HOOK3: variants seen among roughly 807,000 people sequenced by gnomAD.
The protein encoded by HOOK3 is protein Hook homolog 3.
Under a neutral mutation model 116.3 loss-of-function variants are expected in HOOK3, and 24 were observed. The observed-to-expected ratio is 0.21, with a 90% CI of 0.15 to 0.29. The LOEUF is 0.29. Among genes scored for constraint, HOOK3 ranks in the 10% least tolerant of loss-of-function variants. The probability of loss-of-function intolerance (pLI) is 1.00; values close to 1 mark genes in which losing one functional copy is unlikely to be tolerated. For missense variants in HOOK3, 632 were observed against 830.2 expected (o/e 0.76, Z 2.93); for synonymous variants, 275 against 283.0 (o/e 0.97, Z 0.28).
chr8:42,991,934 T>C (rs1163925362), intron 15 of HOOK3, among the ~76,000 whole-genome samples: 1 of 152,184 alleles, frequency 6.6e-6, no homozygotes, highest in Non-Finnish European at 1.5e-5. Context: ...GAACATAGAA[T>C]ATCTTTCCAT....
chr8:42,965,709 T>C (rs1422872107), intron 9 of HOOK3, among the ~76,000 whole-genome samples: 1 of 152,216 alleles, frequency 6.6e-6, no homozygotes, highest in Non-Finnish European at 1.5e-5. Flanking sequence ...AACATAACTA[T>C]TCTTGTTATT....
At chr8:42,987,269 C>G (rs1303258415) in intron 15 of HOOK3, among the ~76,000 whole-genome samples, 2 of 152,198 alleles carry the variant, frequency 1.3e-5, no homozygotes, top group Non-Finnish European at 2.9e-5. Context: ...ATCCGTTTCT[C>G]CACTTTTGGG....
chr8:42,944,690 G>A (rs1808191951), intron 5 of HOOK3, among the ~76,000 whole-genome samples: 1 of 150,516 alleles, frequency 6.6e-6, no homozygotes, highest in Non-Finnish European at 1.5e-5. Flanking sequence ...GCGGTGGTGG[G>A]CGCCTGTAAT....
intron 10 of HOOK3, among the ~76,000 whole-genome samples, chr8:42,967,177 G>T (rs1010375038): frequency 3.3e-5 from 5 of 152,100 alleles, no homozygotes; most frequent in Admixed American, 2.6e-4. Flanking sequence ...TTCCTTCTGA[G>T]CTGGGTTCTT....
chr8:42,952,934 G>A (rs569470028), intron 6 of HOOK3, among the ~76,000 whole-genome samples: 21 of 152,122 alleles, frequency 1.4e-4, no homozygotes, highest in African/African-American at 4.8e-4. Flanking sequence ...CTGCTGTGCC[G>A]TTCTTAATAC....
chr8:42,990,325 C>CTTTTTTTTTTTTT (rs59033055), intron 15 of HOOK3, among the ~76,000 whole-genome samples: 4 of 37,902 alleles, frequency 1.1e-4, no homozygotes, highest in Non-Finnish European at 1.6e-4. Context: ...CTGTTTAGAT[C>CTTTTTTTTTTTTT]TTTTTTTTTT....
chr8:42,946,627 T>G (rs934190924), intron 5 of HOOK3, among the ~76,000 whole-genome samples: 1 of 152,110 alleles, frequency 6.6e-6, no homozygotes. Flanking sequence ...TGGTGTTCCA[T>G]GGTAAGTTTA....
intron 8 of HOOK3, among the ~76,000 whole-genome samples, chr8:42,963,970 G>A (rs1011495208): frequency 6.6e-6 from 1 of 152,222 alleles, no homozygotes; most frequent in African/African-American, 2.4e-5. Flanking sequence ...CACTTTGGGA[G>A]GCCGAGGCAG....
chr8:43,020,099 A>C lies in HOOK3; in HGVS notation c.*1601A>C, dbSNP rs1260870635. 1 of 198,770 alleles carries C rather than the reference A, an allele frequency of 5.0e-6. No individual in the cohort carries two copies. The highest frequency in any genetic ancestry group is 1.0e-5 in the Non-Finnish European group (1 of 96,320). The allele number at this position is 198,770 out of a possible 1,614,324, so 12.3% of individuals were successfully genotyped here. ...TAATAAGAAAGATGACCTAAAAATC[A>C]GTGGTATTTGTTTGTCCTCAGAAGC... On this transcript the variant is annotated 3_prime_UTR_variant, in exon 22 of 22. Coordinates refer to ENST00000307602, the MANE Select transcript of HOOK3 (RefSeq NM_032410.4).
chr8:42,926,126 C>T (rs999658228), intron 3 of HOOK3, among the ~76,000 whole-genome samples: 1 of 152,136 alleles, frequency 6.6e-6, no homozygotes. Context: ...TTAACCAAAA[C>T]TTACAATAAG....
At chr8:42,932,940 T>G (rs1007015788) in intron 4 of HOOK3, among the ~76,000 whole-genome samples, 7 of 152,234 alleles carry the variant, frequency 4.6e-5, no homozygotes, top group Non-Finnish European at 8.8e-5. Flanking sequence ...TATTATATAT[T>G]TCTTTGTGCA....
rs1267167104 is a variant in HOOK3 at position 43,026,849 on chromosome 8, G to A, written c.*8351G>A. On this transcript the variant is annotated 3_prime_UTR_variant, in exon 22 of 22. Coordinates refer to ENST00000307602, the MANE Select transcript of HOOK3 (RefSeq NM_032410.4). ...AAGCATTCTGAGTTCCCCTGTAACA[G>A]ATAGGTTTTATGAACTCAGCTGTTT... is the stretch of plus-strand genomic sequence containing the variant. The A allele has an allele frequency of 2.3e-5, 5 of 216,678 alleles. No homozygotes were observed. Among genetic ancestry groups the A allele is most frequent in the Non-Finnish European group, 3.7e-5 (4 of 107,564 alleles). The allele number at this position is 216,678 out of a possible 1,614,324, so 13.4% of individuals were successfully genotyped here.
At chr8:42,983,658 A>G (rs1262944573) in intron 14 of HOOK3, among the ~76,000 whole-genome samples, 1 of 151,992 alleles carries the variant, frequency 6.6e-6, no homozygotes, top group Non-Finnish European at 1.5e-5. Context: ...TATTTTTTGT[A>G]GAGACTGGGT....
chr8:43,018,539 C>A lies in HOOK3; in HGVS notation c.*41C>A, dbSNP rs1257785377. 4.5e-6 allele frequency: 7 copies of A among 1,547,804 alleles called. 1 individual carries two copies. The African/African-American group carries it at 9.6e-5, about 21-fold the overall frequency. On this transcript the variant is annotated 3_prime_UTR_variant, in exon 22 of 22. Coordinates refer to ENST00000307602, the MANE Select transcript of HOOK3 (RefSeq NM_032410.4). ...CAATCACAGACACCTGCACCCACAA[C>A]ATACTTCTGTTACACACAAGAACAT...
intron 2 of HOOK3, among the ~76,000 whole-genome samples, chr8:42,914,966 G>A (rs902160852): frequency 4.6e-5 from 7 of 152,156 alleles, no homozygotes; most frequent in Admixed American, 1.3e-4. Flanking sequence ...TTGAGTTTCA[G>A]TATGGCATTC....
chr8:43,001,548 CTT>C (rs538098287), intron 16 of HOOK3, among the ~76,000 whole-genome samples: 8 of 142,028 alleles, frequency 5.6e-5, no homozygotes, highest in Admixed American at 7.1e-5. Flanking sequence ...TTTCAGGAGA[CTT>C]TTTTTTTTTT....
Position 42,928,430 on chromosome 8 carries a change from G to A in HOOK3, c.217-1692G>A, listed in dbSNP as rs140583578. On this transcript the variant is annotated intron_variant, in intron 3 of 21. Coordinates refer to ENST00000307602, the MANE Select transcript of HOOK3 (RefSeq NM_032410.4). ...TGCGCCACTGTACTCCAGCCTGGGC[G>A]ACAGAGCAAGACTCAGTCTCAAAAA... 1.6e-4 allele frequency among the ~76,000 whole-genome samples: 25 copies of A among 151,820 alleles called. No individual in the cohort carries two copies. The East Asian group carries it at 4.3e-3, about 26-fold the overall frequency.
chr8:42,915,014 G>A (rs1807503989), intron 2 of HOOK3, among the ~76,000 whole-genome samples: 1 of 152,124 alleles, frequency 6.6e-6, no homozygotes, highest in Non-Finnish European at 1.5e-5. Flanking sequence ...AGTTGAAAGA[G>A]GCCAAGAGCC....
intron 19 of HOOK3, among the ~76,000 whole-genome samples, chr8:43,012,707 G>A (rs1456354024): frequency 6.6e-6 from 1 of 151,830 alleles, no homozygotes; most frequent in African/African-American, 2.4e-5. Context: ...TCAAGTGATC[G>A]TCCTGCCTCA....
Sources: gnomAD v4.1 joint callset for allele counts (sites outside exome capture counted in the v4.1 genomes callset) on GRCh38, gnomAD v4.1.1 for gene constraint, MANE v1.5 for transcripts, NCBI Gene and HGNC (gene_info 2026-07-23, HGNC 2026-07-21) for gene names.